SLC13A5: variants seen among roughly 807,000 people sequenced by gnomAD.
SLC13A5 encodes Na(+)/citrate cotransporter.
A neutral mutation model predicts 56.5 loss-of-function variants in SLC13A5; 25 were observed. That is an observed-to-expected ratio of 0.44 (90% confidence interval 0.32 to 0.62). The LOEUF is 0.62. Among genes scored for constraint, SLC13A5 ranks in the 20% least tolerant of loss-of-function variants. The probability of loss-of-function intolerance (pLI) is 0.04; values close to 1 mark genes in which losing one functional copy is unlikely to be tolerated. For synonymous variants in SLC13A5, 307 were observed against 301.5 expected, an observed-to-expected ratio of 1.02 and a Z score of -0.19; for missense variants, 649 against 737.8, an observed-to-expected ratio of 0.88 and a Z score of 1.39.
rs1329698702 is a variant in SLC13A5 at position 6,687,686 on chromosome 17, C to T, written c.1438-20G>A. On this transcript the variant is annotated intron_variant, in intron 10 of 11. Coordinates refer to ENST00000433363, the MANE Select transcript of SLC13A5 (RefSeq NM_177550.5). The surrounding 1 kb of genome is among the most constrained non-coding windows in gnomAD (Gnocchi z 5.0). Reference sequence around the variant, plus strand: ...GCGAGACTGCGGAAAAACAGCACTGCAACATCACCGTACAGAACACAGAAG... The same window carrying T: ...GCGAGACTGCGGAAAAACAGCACTGTAACATCACCGTACAGAACACAGAAG... 5 of 1,587,922 alleles carry T rather than the reference C, an allele frequency of 3.1e-6. No homozygotes were observed. The Admixed American group carries it at 9.2e-5, about 29-fold the overall frequency.
intron 10 of SLC13A5, chr17:6,690,061 C>CAAAAAAAAAAAAAAAAAAAAAAAAAAA (rs71157211): frequency 6.0e-5 from 2 of 33,422 alleles, no homozygotes; most frequent in Non-Finnish European, 1.2e-4. Context: ...GAAGGAAATG[C>CAAAAAAAAAAAAAAAAAAAAAAAAAAA]AAAAAAAAAA....
Position 6,713,175 on chromosome 17 carries a change from C to T in SLC13A5, c.102+57G>A, listed in dbSNP as rs992766479. 5.1e-6 allele frequency: 8 copies of T among 1,558,312 alleles called. No homozygotes were observed. The highest frequency in any genetic ancestry group is 6.2e-6 in the Non-Finnish European group (7 of 1,136,376). On this transcript the variant is annotated intron_variant, in intron 1 of 11. Coordinates refer to ENST00000433363, the MANE Select transcript of SLC13A5 (RefSeq NM_177550.5). The surrounding 1 kb of genome is among the most constrained non-coding windows in gnomAD (Gnocchi z 7.3). Reference sequence around the variant, plus strand: ...AGCTCAGGGCTCCCGGGATCGGTGCCCGTTAGTGGGCACAGGACGCCGGGT... The same window carrying T: ...AGCTCAGGGCTCCCGGGATCGGTGCTCGTTAGTGGGCACAGGACGCCGGGT...
chr17:6,707,178 C>T, intron 1 of SLC13A5, 22 bp from the exon 2 acceptor site: 1 of 1,612,486 alleles, frequency 6.2e-7, no homozygotes. Flanking sequence ...GTCCTGAGGC[C>T]TCAGCGTGTT....
intron 3 of SLC13A5, among the ~76,000 whole-genome samples, chr17:6,706,101 C>T (rs935527698): frequency 5.3e-5 from 8 of 152,278 alleles, no homozygotes; most frequent in Admixed American, 2.0e-4. Context: ...ATTATATTGA[C>T]TCCATGGCTT....
Position 6,706,750 on chromosome 17 carries a change from T to C in SLC13A5, c.260A>G (p.Asn87Ser), listed in dbSNP as rs1457916051. Reference protein sequence around the residue: ...QVCVQYMKDTNMLFLGGLIVA... With the variant: ...QVCVQYMKDTSMLFLGGLIVA... ...GATGAGGCCGCCCAGGAACAGCATGTTGGTGTCCTTCATGTACTGGACACA... is the reference window on the plus strand; with the variant it reads ...GATGAGGCCGCCCAGGAACAGCATGCTGGTGTCCTTCATGTACTGGACACA... Residue 87 changes from asparagine to serine, a missense_variant, in exon 3 of 12, where the codon AAC becomes AGC. Transcript: ENST00000433363. 1 of 1,614,072 alleles carries C rather than the reference T, an allele frequency of 6.2e-7. No homozygotes were observed. Among genetic ancestry groups the C allele is most frequent in the Non-Finnish European group, 8.5e-7 (1 of 1,180,002 alleles).
intron 8 of SLC13A5, among the ~76,000 whole-genome samples, chr17:6,693,828 G>A (rs2151485221): frequency 6.6e-6 from 1 of 152,328 alleles, no homozygotes; most frequent in South Asian, 2.1e-4. Context: ...ATGGAAATCA[G>A]TGTTATGGAA....
chr17:6,711,351 G>A lies in SLC13A5; in HGVS notation c.102+1881C>T, dbSNP rs1186028652. Among the ~76,000 whole-genome samples, 1 of 152,058 alleles carries A rather than the reference G, an allele frequency of 6.6e-6. No homozygotes were observed. The highest frequency in any genetic ancestry group is 1.5e-5 in the Non-Finnish European group (1 of 68,002). On this transcript the variant is annotated intron_variant, in intron 1 of 11. Coordinates refer to ENST00000433363, the MANE Select transcript of SLC13A5 (RefSeq NM_177550.5). This position sits in a 1 kb window ranked among gnomAD's most constrained non-coding sequence, Gnocchi z 4.0. ...AAGCTCGTGAAGGCAGCCTTTGGAA[G>A]GACTCTCCCTGGGTTCTCTTCTTCC...
At chr17:6,705,021 C>T (rs1973826770) in intron 3 of SLC13A5, 2 of 152,008 alleles carry the variant, frequency 1.3e-5, no homozygotes, top group Admixed American at 6.6e-5. Context: ...GTCTGTGGGC[C>T]TCGCTGCAGC....
chr17:6,706,980 G>A (rs910817625), intron 2 of SLC13A5, 48 bp downstream of exon 2: 4 of 1,610,438 alleles, frequency 2.5e-6, no homozygotes, highest in African/African-American at 2.7e-5. Context: ...TAGAGAAAGA[G>A]AGAAGGGGAG....
chr17:6,687,479 T>A lies in SLC13A5; in HGVS notation c.1575+50A>T, dbSNP rs535443006. The stretch of plus-strand genomic sequence containing the variant: ...TCATTCATAAATGGGGCATCCCTTA[T>A]GACAACAGCGTTATAGTCCGACGGG... On this transcript the variant is annotated intron_variant, in intron 11 of 11. Coordinates refer to ENST00000433363, the MANE Select transcript of SLC13A5 (RefSeq NM_177550.5). This position sits in a 1 kb window ranked among gnomAD's most constrained non-coding sequence, Gnocchi z 5.0. The A allele has an allele frequency of 1.9e-6, 3 of 1,606,192 alleles. No homozygotes were observed. The highest frequency in any genetic ancestry group is 2.5e-6 in the Non-Finnish European group (3 of 1,177,542).
intron 9 of SLC13A5, 152 bp from the exon 10 acceptor site, chr17:6,691,092 T>A (rs1259367767): frequency 2.3e-6 from 2 of 855,180 alleles, no homozygotes; most frequent in Non-Finnish European, 3.5e-6. Flanking sequence ...ATCCCCGTCC[T>A]CACTCTGCTG....
rs1057155591 is a variant in SLC13A5 at position 6,701,667 on chromosome 17, G to A, written c.717-541C>T. On this transcript the variant is annotated intron_variant, in intron 5 of 11. Transcript: ENST00000433363. This position sits in a 1 kb window ranked among gnomAD's most constrained non-coding sequence, Gnocchi z 4.1. ...AGAGGTTGCAGTGAGCCAACATCGC[G>A]CCACTGCACTCCAGCCTGGGCGACA... Among the ~76,000 whole-genome samples, 3 of 152,158 alleles carry A rather than the reference G, an allele frequency of 2.0e-5. No individual in the cohort carries two copies. Among genetic ancestry groups the A allele is most frequent in the South Asian group, 4.1e-4 (2 of 4,826 alleles).
At position 6,704,045 on chromosome 17, in the gene SLC13A5, C is replaced by T. The variant is rs1460566135; in HGVS notation, c.380G>A (p.Gly127Asp). The change falls in exon 4 of 12, where the codon GGC becomes GAC. Residue 127 changes from glycine (G) to aspartate (D), a missense_variant. By Grantham distance (94) the Gly-to-Asp change is moderately conservative (BLOSUM62 -1). Coordinates refer to ENST00000433363, the MANE Select transcript of SLC13A5 (RefSeq NM_177550.5). ...CAGGAGGGCTGTGACGCCCATGAAGCCCAGCATCAGCCTGCAGAGGAGGGG... is the reference window on the plus strand; with the variant it reads ...CAGGAGGGCTGTGACGCCCATGAAGTCCAGCATCAGCCTGCAGAGGAGGGG... Reference protein sequence around the residue: ...VGAKPARLMLGFMGVTALLSM... With the variant: ...VGAKPARLMLDFMGVTALLSM... 6.2e-7 allele frequency: 1 copy of T among 1,611,632 alleles called. No individual in the cohort carries two copies. Among genetic ancestry groups the T allele is most frequent in the Non-Finnish European group, 8.5e-7 (1 of 1,178,954 alleles).
Position 6,686,142 on chromosome 17 carries a change from G to T in SLC13A5, c.*65C>A, listed in dbSNP as rs1973243673. 5.0e-6 allele frequency: 8 copies of T among 1,606,564 alleles called. No homozygotes were observed. The highest frequency in any genetic ancestry group is 2.2e-5 in the East Asian group (1 of 44,770). On this transcript the variant is annotated 3_prime_UTR_variant, in exon 12 of 12. Coordinates refer to ENST00000433363, the MANE Select transcript of SLC13A5 (RefSeq NM_177550.5). ...TGTGAACCCCAAAACTCTGTACAAG[G>T]TGTGCCAGAAGGTTCGGTAGTCCTG... is the stretch of plus-strand genomic sequence containing the variant.
At chr17:6,688,594 C>A (rs74655278) in intron 10 of SLC13A5, 9,708 of 152,268 alleles carry the variant, frequency 0.064, 510 homozygotes, top group Admixed American at 0.19. Context: ...TGTGGTGAAA[C>A]CCCGTCTCTA....
chr17:6,699,319 A>C (rs1973648186), intron 6 of SLC13A5, among the ~76,000 whole-genome samples: 1 of 152,088 alleles, frequency 6.6e-6, no homozygotes. Context: ...GGGCAAAGAG[A>C]GCTACTGTCA....
At chr17:6,704,077 G>A (rs776321156) in intron 3 of SLC13A5, 21 bp from the exon 4 acceptor site, 5 of 1,601,326 alleles carry the variant, frequency 3.1e-6, no homozygotes, top group African/African-American at 1.3e-5. Flanking sequence ...GGGGCAGGGA[G>A]GAAAGCCAGA....
intron 10 of SLC13A5, chr17:6,688,279 T>C (rs1425417944): frequency 2.0e-5 from 3 of 152,180 alleles, no homozygotes; most frequent in African/African-American, 7.2e-5. Context: ...TGCAAACATG[T>C]TTGTTGCAAC....
Position 6,696,207 on chromosome 17 carries a change from C to A in SLC13A5, c.840-266G>T, listed in dbSNP as rs1311956898. On this transcript the variant is annotated intron_variant, in intron 6 of 11. Coordinates refer to ENST00000433363, the MANE Select transcript of SLC13A5 (RefSeq NM_177550.5). Reference sequence around the variant, plus strand: ...ACCTGGAGACTGGCTGCTCCAGGGTCACCTGGGGGAAGGCCATAAGGAGCT... The same window carrying A: ...ACCTGGAGACTGGCTGCTCCAGGGTAACCTGGGGGAAGGCCATAAGGAGCT... Among the ~76,000 whole-genome samples, 3 of 152,180 alleles carry A rather than the reference C, an allele frequency of 2.0e-5. No homozygotes were observed. The East Asian group carries it at 5.8e-4, about 29-fold the overall frequency.
Sources: allele counts gnomAD v4.1 joint callset (sites outside exome capture counted in the v4.1 genomes callset), GRCh38; gene constraint gnomAD v4.1.1; non-coding constraint Gnocchi (gnomAD v3.1); transcripts MANE v1.5; gene names NCBI Gene and HGNC (gene_info 2026-07-23, HGNC 2026-07-21).